ADGRB3: variants seen among roughly 807,000 people sequenced by gnomAD.
ADGRB3 encodes brain-specific angiogenesis inhibitor 3.
Under a neutral mutation model 193.4 loss-of-function variants are expected in ADGRB3, and 37 were observed. The observed-to-expected ratio is 0.19, with a 90% CI of 0.15 to 0.25. The LOEUF is 0.25. ADGRB3 is among the 10% of genes least tolerant of loss of function. The pLI, the probability that ADGRB3 is intolerant of heterozygous loss-of-function variation, is 1.00. For synonymous variants in ADGRB3, 690 were observed against 644.2 expected, an observed-to-expected ratio of 1.07 and a Z score of -1.08; for missense variants, 1,637 against 1,852.9, an observed-to-expected ratio of 0.88 and a Z score of 2.14.
chr6:69,174,666 A>T (rs1775376613), intron 17 of ADGRB3, among the ~76,000 whole-genome samples: 1 of 152,220 alleles, frequency 6.6e-6, no homozygotes, highest in Non-Finnish European at 1.5e-5. Flanking sequence ...TTCTCAGAGA[A>T]ATCTGAAAAC....
intron 3 of ADGRB3, among the ~76,000 whole-genome samples, chr6:68,845,020 A>T: frequency 6.6e-6 from 1 of 152,174 alleles, no homozygotes; most frequent in East Asian, 1.9e-4. Context: ...ATGCATACAA[A>T]AAAATAGAAA....
intron 3 of ADGRB3, among the ~76,000 whole-genome samples, chr6:68,920,245 C>T (rs1442474956): frequency 2.6e-5 from 4 of 152,036 alleles, no homozygotes; most frequent in Non-Finnish European, 4.4e-5. Context: ...GGGCCAGGTG[C>T]GGTGGCTCAC....
chr6:68,647,829 T>A (rs1768251628), intron 3 of ADGRB3, among the ~76,000 whole-genome samples: 1 of 152,184 alleles, frequency 6.6e-6, no homozygotes, highest in African/African-American at 2.4e-5. Flanking sequence ...TGCTAGTCCA[T>A]ATTTAAACAC....
intron 17 of ADGRB3, among the ~76,000 whole-genome samples, chr6:69,206,290 C>G (rs933589003): frequency 6.6e-5 from 10 of 151,922 alleles, no homozygotes; most frequent in African/African-American, 2.4e-4. Context: ...TATATTCTAG[C>G]TGCGCTGGCA....
At chr6:68,853,340 G>A (rs571424986) in intron 3 of ADGRB3, among the ~76,000 whole-genome samples, 14 of 152,060 alleles carry the variant, frequency 9.2e-5, no homozygotes, top group African/African-American at 3.4e-4. Context: ...GTTTTCAAAA[G>A]ATTTTAAAGC....
intron 17 of ADGRB3, among the ~76,000 whole-genome samples, chr6:69,109,905 A>G (rs1002386497): frequency 6.6e-6 from 1 of 151,994 alleles, no homozygotes. Flanking sequence ...TGATACTTCA[A>G]AAATGGAAAT....
chr6:69,227,222 A>T (rs945759615), intron 17 of ADGRB3, among the ~76,000 whole-genome samples: 2 of 152,172 alleles, frequency 1.3e-5, no homozygotes, highest in Non-Finnish European at 2.9e-5. Context: ...AAAGGCCAAT[A>T]AGGAGCTCAG....
intron 3 of ADGRB3, among the ~76,000 whole-genome samples, chr6:68,840,926 G>A (rs549284787): frequency 3.9e-5 from 6 of 151,936 alleles, no homozygotes; most frequent in Non-Finnish European, 5.9e-5. Flanking sequence ...TCATGCCAAC[G>A]GAAACCAAAA....
chr6:69,373,297 T>TA (rs1188058593), intron 30 of ADGRB3, among the ~76,000 whole-genome samples: 4 of 152,056 alleles, frequency 2.6e-5, no homozygotes, highest in Non-Finnish European at 5.9e-5. Context: ...CAGAACGTGC[T>TA]AACTACTCCT....
chr6:69,146,738 G>T (rs963248166), intron 17 of ADGRB3, among the ~76,000 whole-genome samples: 9 of 151,696 alleles, frequency 5.9e-5, no homozygotes, highest in African/African-American at 1.9e-4. Flanking sequence ...TTAAATGTTT[G>T]CTAGAATTCA....
chr6:69,179,565 G>C (rs1045537778), intron 17 of ADGRB3, among the ~76,000 whole-genome samples: 1 of 152,170 alleles, frequency 6.6e-6, no homozygotes, highest in Non-Finnish European at 1.5e-5. Flanking sequence ...TTTTCATGGT[G>C]CCAGAATTCT....
intron 17 of ADGRB3, among the ~76,000 whole-genome samples, chr6:69,108,975 T>G (rs1171095386): frequency 6.6e-6 from 1 of 152,162 alleles, no homozygotes; most frequent in Non-Finnish European, 1.5e-5. Context: ...TGGAAGTGTC[T>G]TGGGCACACA....
At chr6:69,098,129 C>CTGAG (rs564235800) in intron 17 of ADGRB3, among the ~76,000 whole-genome samples, 60 of 152,258 alleles carry the variant, frequency 3.9e-4, no homozygotes, top group Non-Finnish European at 7.4e-4. Flanking sequence ...TGCAGCTTAC[C>CTGAG]TGAGTTTTAC....
chr6:68,672,602 G>A (rs1010485256), intron 3 of ADGRB3, among the ~76,000 whole-genome samples: 1 of 151,920 alleles, frequency 6.6e-6, no homozygotes, highest in Non-Finnish European at 1.5e-5. Context: ...GGGCTGCCTG[G>A]TATACAGGAG....
chr6:68,819,816 C>G (rs935273168), intron 3 of ADGRB3, among the ~76,000 whole-genome samples: 5 of 152,010 alleles, frequency 3.3e-5, no homozygotes, highest in Admixed American at 6.6e-5. Flanking sequence ...TAAATCTTCT[C>G]TTTTATTTTG....
At chr6:68,891,902 C>T (rs563969521) in intron 3 of ADGRB3, among the ~76,000 whole-genome samples, 5 of 152,054 alleles carry the variant, frequency 3.3e-5, no homozygotes, top group Non-Finnish European at 4.4e-5. Context: ...GTGGAGGAGC[C>T]GAAGAGTGGA....
intron 3 of ADGRB3, among the ~76,000 whole-genome samples, chr6:68,649,582 A>G (rs1768299237): frequency 6.6e-6 from 1 of 152,178 alleles, no homozygotes; most frequent in Admixed American, 6.5e-5. Context: ...ATTGATTTTT[A>G]GTCTAAGATT....
At chr6:69,126,234 C>G (rs1191232408) in intron 17 of ADGRB3, among the ~76,000 whole-genome samples, 3,009 of 146,462 alleles carry the variant, frequency 0.021, 41 homozygotes, top group Non-Finnish European at 0.029. Flanking sequence ...TAGATACACA[C>G]ATACATACAT....
intron 3 of ADGRB3, among the ~76,000 whole-genome samples, chr6:68,902,200 A>C (rs996311418): frequency 6.6e-6 from 1 of 152,124 alleles, no homozygotes; most frequent in Non-Finnish European, 1.5e-5. Context: ...TCTGATTCAA[A>C]ATGGCAGGTC....
Sources: allele counts gnomAD v4.1 joint callset (sites outside exome capture counted in the v4.1 genomes callset), GRCh38; gene constraint gnomAD v4.1.1; transcripts MANE v1.5; gene names NCBI Gene and HGNC (gene_info 2026-07-23, HGNC 2026-07-21).